FAM153A: variants seen among roughly 807,000 people sequenced by gnomAD.
FAM153A encodes the protein protein FAM153A.
In FAM153A, 12 loss-of-function variants were observed where a neutral mutation model predicts 48.1. That is an observed-to-expected ratio of 0.25 (90% CI 0.16 to 0.40). The LOEUF (loss-of-function observed/expected upper bound fraction) is 0.40, where lower values mean the gene tolerates loss of function less well. Ranked by LOEUF, FAM153A falls within the 10% of genes least tolerant of loss-of-function variation. FAM153A has a pLI of 1.00. For missense variants in FAM153A, 111 were observed against 345.8 expected (o/e 0.32, Z 5.38); for synonymous variants, 36 against 118.2 (o/e 0.30, Z 4.51).
chr5:177,716,964 A>AGTGTGTGTGTGTGTGT (rs59312087), intron 24 of FAM153A, among the ~76,000 whole-genome samples: 6,301 of 127,192 alleles, frequency 0.05, 248 homozygotes, highest in Admixed American at 0.063. Flanking sequence ...ATTCCCGCTT[A>AGTGTGTGTGTGTGTGT]GTGTGTGTGT....
chr5:177,755,592 C>T (rs897709080), upstream of FAM153A, among the ~76,000 whole-genome samples: 2 of 151,818 alleles, frequency 1.3e-5, no homozygotes, highest in South Asian at 2.1e-4. Flanking sequence ...AGACAAAGGT[C>T]GGGTTACCCA....
At chr5:177,713,336 C>T (rs1248997194) in intron 26 of FAM153A, among the ~76,000 whole-genome samples, 11 of 150,272 alleles carry the variant, frequency 7.3e-5, no homozygotes, top group Admixed American at 2.0e-4. Context: ...CTGCAAGCTC[C>T]GCCTCCTGGC....
intron 4 of FAM153A, among the ~76,000 whole-genome samples, chr5:177,747,236 C>A (rs62398548): frequency 0.3 from 43,454 of 142,638 alleles, 10,354 homozygotes; most frequent in South Asian, 0.44. Flanking sequence ...CCCTTCCACC[C>A]ATTCCTGAGT....
At chr5:177,710,360 T>C (rs1012088596), downstream of FAM153A, among the ~76,000 whole-genome samples, 13 of 151,520 alleles carry the variant, frequency 8.6e-5, no homozygotes, top group East Asian at 1.9e-4. Context: ...GATTCTCCTA[T>C]CTTGGCCTCC....
intron 16 of FAM153A, among the ~76,000 whole-genome samples, chr5:177,730,579 C>T (rs1763634412): frequency 8.3e-6 from 1 of 120,460 alleles, no homozygotes; most frequent in Non-Finnish European, 1.9e-5. Context: ...ACCATTGAGA[C>T]CATCCAATAA....
intron 17 of FAM153A, 41 bp downstream of exon 19, chr5:177,729,444 G>A: frequency 6.3e-7 from 1 of 1,592,044 alleles, no homozygotes. Flanking sequence ...GAAACCGAGA[G>A]AAATAAAATT....
chr5:177,713,767 C>G (rs954412378), exon 26 of FAM153A: 1 of 151,804 alleles, frequency 6.6e-6, no homozygotes, highest in Non-Finnish European at 1.5e-5. Flanking sequence ...ATTCAAAGCC[C>G]GTCCTCTCCT....
chr5:177,749,833 G>A (rs1462279733), intron 2 of FAM153A, among the ~76,000 whole-genome samples: 1 of 140,582 alleles, frequency 7.1e-6, no homozygotes. Context: ...AATTGTACTG[G>A]TGAATTCTGC....
At chr5:177,695,144 G>A in the FAM153A span, among the ~76,000 whole-genome samples, 2 of 141,172 alleles carry the variant, frequency 1.4e-5, no homozygotes, top group Admixed American at 1.4e-4. Context: ...GGCTGGTCTT[G>A]AAGTCCTGAC....
chr5:177,694,981 T>G, the FAM153A span, among the ~76,000 whole-genome samples: 3 of 151,360 alleles, frequency 2.0e-5, no homozygotes, highest in African/African-American at 7.4e-5. Context: ...TGGAGTACAG[T>G]GGCATGAGCT....
the FAM153A span, among the ~76,000 whole-genome samples, chr5:177,699,546 C>T: frequency 5.3e-5 from 8 of 151,856 alleles, no homozygotes; most frequent in Non-Finnish European, 5.9e-5. Context: ...ACTGACCTTA[C>T]AAAATAAAAA....
the FAM153A span, among the ~76,000 whole-genome samples, chr5:177,697,887 G>A: frequency 7.3e-5 from 11 of 150,974 alleles, no homozygotes; most frequent in South Asian, 8.5e-4. Context: ...CCCTGCCCCC[G>A]TCTTAGGACC....
chr5:177,717,410 T>C (rs1338927548), downstream of FAM153A: 2 of 149,832 alleles, frequency 1.3e-5, no homozygotes, highest in African/African-American at 5.0e-5. Context: ...AGGTAATCAA[T>C]GTAAAAGGAA....
At chr5:177,769,048 C>A (rs1435364137) in intron 1 of FAM153A, among the ~76,000 whole-genome samples, 1 of 85,378 alleles carries the variant, frequency 1.2e-5, no homozygotes, top group African/African-American at 4.8e-5. Context: ...ATGGTGAAAC[C>A]CCACCTCTAC....
downstream of FAM153A, among the ~76,000 whole-genome samples, chr5:177,706,279 C>T (rs182284784): frequency 5.9e-3 from 889 of 151,874 alleles, 20 homozygotes; most frequent in African/African-American, 0.021. Context: ...TCACTGCAAC[C>T]TCCACCTCCC....
rs1208665144 is a variant in FAM153A, at chr5:177,749,863, A to C, written c.175+1046T>G. Among the ~76,000 whole-genome samples, 3 of 142,036 alleles carry C rather than the reference A, an allele frequency of 2.1e-5. 1 individual carries two copies. The allele number at this position is 142,036 out of a possible 152,430, so 93.2% of individuals were successfully genotyped here. On this transcript the variant is annotated intron_variant, in intron 2 of 20. Coordinates refer to ENST00000614127, the Ensembl canonical transcript of FAM153A. ...TTCTGCCTAACACAATGGAAAACATAGTCTTACCAGCAAGTGATCAAAATT... is the reference window on the plus strand; with the variant it reads ...TTCTGCCTAACACAATGGAAAACATCGTCTTACCAGCAAGTGATCAAAATT...
downstream of FAM153A, among the ~76,000 whole-genome samples, chr5:177,706,420 C>T (rs561204943): frequency 1.3e-5 from 2 of 150,888 alleles, no homozygotes; most frequent in Non-Finnish European, 3.0e-5. Context: ...AGGATGGTCT[C>T]GATATCCTGA....
intron 1 of FAM153A, among the ~76,000 whole-genome samples, chr5:177,768,849 C>G (rs6880928): frequency 0.2 from 20,182 of 99,132 alleles, 2,497 homozygotes; most frequent in East Asian, 0.3. Flanking sequence ...ACATCAAGGC[C>G]TGACTATCTA....
At chr5:177,715,986 ACTT>A (rs538201812) in intron 25 of FAM153A, among the ~76,000 whole-genome samples, 1 of 146,436 alleles carries the variant, frequency 6.8e-6, no homozygotes, top group South Asian at 2.2e-4. Context: ...TAGATTAAAT[ACTT>A]TTTTTTTTTT....
Sources: allele counts gnomAD v4.1 joint callset (sites outside exome capture counted in the v4.1 genomes callset), GRCh38; gene constraint gnomAD v4.1.1; transcripts MANE v1.5; gene names NCBI Gene and HGNC (gene_info 2026-07-23, HGNC 2026-07-21).